The following STAC variants were observed in gnomAD, a reference collection of about 807,000 sequenced individuals.
STAC encodes the protein SH3 and cysteine rich domain, also known as SH3 and cysteine-rich domain-containing protein.
Under a neutral mutation model 48.8 loss-of-function variants are expected in STAC, and 43 were observed. That is an observed-to-expected ratio of 0.88 (90% CI 0.69 to 1.14). STAC has a LOEUF of 1.14. STAC is among the 50% of genes most tolerant of loss of function. STAC has a pLI of 0.00. For missense variants in STAC, 497 were observed against 504.0 expected (o/e 0.99, Z 0.13); for synonymous variants, 193 against 179.5 (o/e 1.07, Z -0.60).
chr3:36,532,986 G>A (rs1263672577), intron 10 of STAC, among the ~76,000 whole-genome samples: 1 of 152,122 alleles, frequency 6.6e-6, no homozygotes, highest in Admixed American at 6.6e-5. Flanking sequence ...AACACTCATA[G>A]AGGTTATGTG....
At chr3:36,526,947 G>T (rs1309716253) in intron 8 of STAC, among the ~76,000 whole-genome samples, 1 of 152,172 alleles carries the variant, frequency 6.6e-6, no homozygotes, top group Non-Finnish European at 1.5e-5. Context: ...GGAGGAGGAG[G>T]CGGCACCATA....
chr3:36,426,386 T>C (rs903054762), intron 1 of STAC, among the ~76,000 whole-genome samples: 1 of 152,256 alleles, frequency 6.6e-6, no homozygotes, highest in South Asian at 2.1e-4. Context: ...GCTGCTCTAA[T>C]TCTCCAAGCA....
rs1699773414 is a variant in STAC at position 36,392,527 on chromosome 3, T to A, written c.111+11773T>A. 3.9e-5 allele frequency among the ~76,000 whole-genome samples: 6 copies of A among 152,120 alleles called. 1 individual carries two copies. In the South Asian group the frequency reaches 1.2e-3, roughly 32 times the overall value. Reference sequence around the variant, plus strand: ...GCTAATTTTTATTTATTTATTTATTTACTTACTTATTTATTTATTTAGTAG... The same window carrying A: ...GCTAATTTTTATTTATTTATTTATTAACTTACTTATTTATTTATTTAGTAG... On this transcript the variant is annotated intron_variant, in intron 1 of 10. Transcript: ENST00000273183.
intron 10 of STAC, among the ~76,000 whole-genome samples, chr3:36,533,428 A>C (rs1467433931): frequency 6.7e-6 from 1 of 149,156 alleles, no homozygotes; most frequent in African/African-American, 2.5e-5. Flanking sequence ...TTTGGGAAGA[A>C]TGTTCATCTT....
At position 36,449,149 on chromosome 3, in the gene STAC, C is replaced by T. The variant is rs1304580324; in HGVS notation, c.388+5509C>T. Among the ~76,000 whole-genome samples the T allele has an allele frequency of 2.6e-5, 4 of 151,966 alleles. No individual in the cohort carries two copies. In the East Asian group the frequency reaches 7.7e-4, roughly 29 times the overall value. ...AAAAAATTAAGAAAGAAGATGTAGG[C>T]TCTGTGGATTAGAGGAGGGGATAAA... On this transcript the variant is annotated intron_variant, in intron 2 of 10. Coordinates refer to ENST00000273183, the MANE Select transcript of STAC (RefSeq NM_003149.3).
intron 2 of STAC, among the ~76,000 whole-genome samples, chr3:36,480,410 G>A (rs6767976): frequency 0.039 from 5,961 of 152,226 alleles, 173 homozygotes; most frequent in African/African-American, 0.082. Context: ...GTTAAATGAT[G>A]CCATCCTGAA....
At chr3:36,428,766 T>A (rs533094902) in intron 1 of STAC, among the ~76,000 whole-genome samples, 1 of 151,882 alleles carries the variant, frequency 6.6e-6, no homozygotes, top group Non-Finnish European at 1.5e-5. Context: ...GCAGAGTGAG[T>A]GATGAAGGAG....
intron 10 of STAC, among the ~76,000 whole-genome samples, chr3:36,530,580 C>CTTTTTTTTTTTTTT (rs775751742): frequency 1.9e-5 from 2 of 102,706 alleles, no homozygotes; most frequent in African/African-American, 4.1e-5. Context: ...TTCACCTTTT[C>CTTTTTTTTTTTTTT]TTTTTTTTTT....
At chr3:36,453,593 G>A (rs1696757050) in intron 2 of STAC, among the ~76,000 whole-genome samples, 1 of 152,244 alleles carries the variant, frequency 6.6e-6, no homozygotes, top group Admixed American at 6.5e-5. Flanking sequence ...CACCCCCTCC[G>A]TGGGTTCCTG....
chr3:36,383,360 A>G (rs1575166606), intron 1 of STAC, among the ~76,000 whole-genome samples: 10 of 151,698 alleles, frequency 6.6e-5, no homozygotes, highest in Admixed American at 5.9e-4. Context: ...AAATTTTAAT[A>G]TACACAAAAG....
intron 1 of STAC, among the ~76,000 whole-genome samples, chr3:36,424,134 T>C (rs2125646910): frequency 6.6e-6 from 1 of 152,094 alleles, no homozygotes; most frequent in African/African-American, 2.4e-5. Context: ...AATGAAAAGA[T>C]CCCCCCACTC....
chr3:36,536,472 T>A (rs1465285895), intron 10 of STAC, among the ~76,000 whole-genome samples: 1 of 151,946 alleles, frequency 6.6e-6, no homozygotes, highest in African/African-American at 2.4e-5. Flanking sequence ...CTTTGACAAA[T>A]CTGACAAAAC....
At chr3:36,483,307 G>A (rs1225620669) in intron 3 of STAC, among the ~76,000 whole-genome samples, 1 of 152,158 alleles carries the variant, frequency 6.6e-6, no homozygotes, top group Non-Finnish European at 1.5e-5. Flanking sequence ...AGGGAGTCAG[G>A]GTCATTAACA....
chr3:36,504,221 G>A (rs1404512869), intron 6 of STAC, among the ~76,000 whole-genome samples, 172 bp from the exon 7 acceptor site: 1 of 152,232 alleles, frequency 6.6e-6, no homozygotes, highest in Non-Finnish European at 1.5e-5. Flanking sequence ...GGAGGCAGGA[G>A]AAGAGACATG....
chr3:36,418,790 G>A (rs1025122546), intron 1 of STAC, among the ~76,000 whole-genome samples: 3 of 152,094 alleles, frequency 2.0e-5, no homozygotes, highest in African/African-American at 7.2e-5. Context: ...GCTCACGCCT[G>A]TAATCCCAGC....
At chr3:36,492,031 AAT>A (rs11267408) in intron 5 of STAC, among the ~76,000 whole-genome samples, 76 of 16,432 alleles carry the variant, frequency 4.6e-3, no homozygotes, top group African/African-American at 6.6e-3. Context: ...AAAAAAAAAA[AAT>A]ATATATATAT....
At chr3:36,474,842 A>C (rs768261468) in intron 2 of STAC, among the ~76,000 whole-genome samples, 6 of 152,230 alleles carry the variant, frequency 3.9e-5, no homozygotes, top group Non-Finnish European at 5.9e-5. Context: ...GCGAGGAAGC[A>C]TCCAGGAAAT....
intron 1 of STAC, among the ~76,000 whole-genome samples, chr3:36,433,086 C>T (rs1383453750): frequency 1.3e-5 from 2 of 152,170 alleles, no homozygotes; most frequent in African/African-American, 4.8e-5. Flanking sequence ...ACACATGCTG[C>T]ATACTGGGGG....
chr3:36,395,299 T>C (rs1024677217), intron 1 of STAC, among the ~76,000 whole-genome samples: 1 of 152,156 alleles, frequency 6.6e-6, no homozygotes, highest in Admixed American at 6.5e-5. Context: ...ACTAAGGTTG[T>C]AATAGTGAAG....
Sources: gnomAD v4.1 joint callset for allele counts (sites outside exome capture counted in the v4.1 genomes callset) on GRCh38, gnomAD v4.1.1 for gene constraint, MANE v1.5 for transcripts, NCBI Gene and HGNC (gene_info 2026-07-23, HGNC 2026-07-21) for gene names.